BCL11A: variants seen among roughly 807,000 people sequenced by gnomAD.
The protein encoded by BCL11A is B cell CLL/lymphoma 11A.
A neutral mutation model predicts 55.9 loss-of-function variants in BCL11A; 2 were observed. The observed-to-expected ratio is 0.04, with a 90% CI of 0.01 to 0.11. The LOEUF is 0.11. Ranked by LOEUF, BCL11A falls within the 10% of genes least tolerant of loss-of-function variation. BCL11A has a pLI of 1.00. For synonymous variants in BCL11A, 465 were observed against 473.4 expected (o/e 0.98, Z 0.23); for missense variants, 817 against 1,137.1 (o/e 0.72, Z 4.05).
chr2:60,503,479 C>T (rs1679408088), intron 2 of BCL11A, among the ~76,000 whole-genome samples: 1 of 152,242 alleles, frequency 6.6e-6, no homozygotes, highest in Non-Finnish European at 1.5e-5. Flanking sequence ...CTCTCCTCCA[C>T]CTATTCACAG....
intron 1 of BCL11A, among the ~76,000 whole-genome samples, chr2:60,551,433 G>T (rs879440930): frequency 7.9e-5 from 12 of 152,304 alleles, no homozygotes; most frequent in Admixed American, 2.6e-4. Flanking sequence ...CGGCAACCCC[G>T]CCACCTGGCC....
Position 60,459,747 on chromosome 2 carries a change from C to A in BCL11A, c.*657G>T, listed in dbSNP as rs1381829377. On this transcript the variant is annotated 3_prime_UTR_variant, in exon 4 of 4. Transcript: ENST00000642384. ...TTTCTGTTAATTTGTCAATTCAAGG[C>A]CTTTTTTCTTCCTTTCCAATTGATA... 3 of 1,039,526 alleles carry A rather than the reference C, an allele frequency of 2.9e-6. No individual in the cohort carries two copies. Among genetic ancestry groups the A allele is most frequent in the Non-Finnish European group, 3.5e-6 (3 of 862,868 alleles). 64.4% of individuals were successfully genotyped at this position (1,039,526 alleles called of 1,614,324 possible). A position where few individuals can be genotyped will look rare whatever the true frequency, so the allele number is the denominator to read the frequency against.
At chr2:60,491,810 A>C (rs996524468) in intron 2 of BCL11A, among the ~76,000 whole-genome samples, 11 of 152,186 alleles carry the variant, frequency 7.2e-5, no homozygotes, top group African/African-American at 2.7e-4. Flanking sequence ...GTAGGACCCA[A>C]CACTACGCAG....
At chr2:60,495,249 C>T (rs977635983) in intron 2 of BCL11A, among the ~76,000 whole-genome samples, 2 of 148,358 alleles carry the variant, frequency 1.3e-5, no homozygotes, top group African/African-American at 4.9e-5. Flanking sequence ...AGAGGCCAAA[C>T]CCTTCCTGGA....
intron 2 of BCL11A, among the ~76,000 whole-genome samples, chr2:60,508,312 G>A (rs749621899): frequency 6.6e-6 from 1 of 152,194 alleles, no homozygotes; most frequent in Non-Finnish European, 1.5e-5. Flanking sequence ...ATGTGAAAGA[G>A]GAGACAGAGA....
At chr2:60,489,863 T>A (rs1041019185) in intron 2 of BCL11A, among the ~76,000 whole-genome samples, 1 of 152,206 alleles carries the variant, frequency 6.6e-6, no homozygotes, top group Non-Finnish European at 1.5e-5. Flanking sequence ...CACAGGGATA[T>A]GAATTTTGAT....
intron 2 of BCL11A, among the ~76,000 whole-genome samples, chr2:60,529,615 G>A (rs1441632507): frequency 2.6e-5 from 4 of 152,240 alleles, no homozygotes; most frequent in African/African-American, 4.8e-5. Context: ...GTTGGCGGGC[G>A]GGAGCGGGGG....
At chr2:60,464,307 G>C (rs1025786971) in intron 3 of BCL11A, among the ~76,000 whole-genome samples, 1 of 152,120 alleles carries the variant, frequency 6.6e-6, no homozygotes. Flanking sequence ...GCCTATTTTT[G>C]TTTGCCTCCT....
chr2:60,537,976 G>C (rs1669746048), intron 2 of BCL11A: 1 of 152,176 alleles, frequency 6.6e-6, no homozygotes, highest in Non-Finnish European at 1.5e-5. Context: ...ACAACAGTGA[G>C]AATACAAACA....
intron 2 of BCL11A, among the ~76,000 whole-genome samples, chr2:60,497,746 A>G (rs1342074061): frequency 1.3e-5 from 2 of 152,058 alleles, no homozygotes; most frequent in Non-Finnish European, 2.9e-5. Context: ...CTTTCTCTGA[A>G]CTATCACCTT....
At chr2:60,530,657 G>A (rs1317975117) in intron 2 of BCL11A, among the ~76,000 whole-genome samples, 2 of 144,894 alleles carry the variant, frequency 1.4e-5, no homozygotes, top group African/African-American at 2.5e-5. Context: ...AGCATTTGAT[G>A]TACAGTCAGC....
At chr2:60,536,742 A>C (rs1164483589) in intron 2 of BCL11A, 1 of 152,182 alleles carries the variant, frequency 6.6e-6, no homozygotes, top group African/African-American at 2.4e-5. Context: ...TGCATATAGG[A>C]AGCCTTGAGA....
intron 3 of BCL11A, 87 bp from the exon 4 acceptor site, chr2:60,462,511 C>T (rs568560664): frequency 2.0e-6 from 3 of 1,514,738 alleles, no homozygotes; most frequent in South Asian, 2.6e-5. Context: ...CTCCAGCCTT[C>T]CCTGCCCCCA....
chr2:60,487,025 C>A (rs911353946), intron 2 of BCL11A, among the ~76,000 whole-genome samples: 7 of 152,244 alleles, frequency 4.6e-5, no homozygotes, highest in African/African-American at 1.7e-4. Flanking sequence ...TCCTTTAAGT[C>A]TAACGTTGCT....
intron 2 of BCL11A, among the ~76,000 whole-genome samples, chr2:60,530,543 C>A (rs1669403257): frequency 6.6e-6 from 1 of 151,534 alleles, no homozygotes; most frequent in Admixed American, 6.6e-5. Flanking sequence ...GCATATGTAG[C>A]CAAAAGACTG....
chr2:60,537,182 T>A (rs369761993), intron 2 of BCL11A: 16 of 28,546 alleles, frequency 5.6e-4, no homozygotes, highest in African/African-American at 1.2e-3. Flanking sequence ...CTCCTTAACA[T>A]AACAAAAACA....
chr2:60,457,642 T>C lies in BCL11A; in HGVS notation c.*2762A>G. On this transcript the variant is annotated 3_prime_UTR_variant, in exon 4 of 4. Coordinates refer to ENST00000642384, the MANE Select transcript of BCL11A (RefSeq NM_022893.4). Reference sequence around the variant, plus strand: ...TAAATATAAAGCACCATTTAGTTTTTGGCAATGAAAAAAACTGCAAAACAT... The same window carrying C: ...TAAATATAAAGCACCATTTAGTTTTCGGCAATGAAAAAAACTGCAAAACAT... 1 of 1,041,664 alleles carries C rather than the reference T, an allele frequency of 9.6e-7. No homozygotes were observed. Among genetic ancestry groups the C allele is most frequent in the South Asian group, 4.6e-5 (1 of 21,772 alleles). The allele number at this position is 1,041,664 out of a possible 1,614,324, so 64.5% of individuals were successfully genotyped here.
In BCL11A at chr2:60,553,434, G is replaced by A; in HGVS notation, c.-164C>T. The A allele has an allele frequency of 2.6e-6, 1 of 390,208 alleles. No homozygotes were observed. The highest frequency in any genetic ancestry group is 4.4e-6 in the Non-Finnish European group (1 of 224,910). 24.2% of individuals were successfully genotyped at this position (390,208 alleles called of 1,614,324 possible). On this transcript the variant is annotated 5_prime_UTR_variant, in exon 1 of 4. Coordinates refer to ENST00000642384, the MANE Select transcript of BCL11A (RefSeq NM_022893.4). Reference sequence around the variant, plus strand: ...ATAAATTAGAAATAATACAAAGATGGCGCAGGGAAGATGAATTGTGGGAGA... The same window carrying A: ...ATAAATTAGAAATAATACAAAGATGACGCAGGGAAGATGAATTGTGGGAGA...
rs777395819 is a variant in BCL11A at position 60,461,477 on chromosome 2, T to G, written c.1435A>C (p.Ile479Leu). The part of the protein sequence containing the change: ...KFKSENDPNL[I>L]PENGDEEEEE... ...TCCTCCTCGTCCCCGTTCTCCGGGA[T>G]CAGGTTGGGGTCGTTCTCGCTCTTG... Residue 479 changes from isoleucine to leucine, a missense_variant, in exon 4 of 4, where the codon ATC becomes CTC. By Grantham distance (5) the Ile-to-Leu change is conservative. Coordinates refer to ENST00000642384, the MANE Select transcript of BCL11A (RefSeq NM_022893.4). 1.9e-6 allele frequency: 3 copies of G among 1,604,760 alleles called. No homozygotes were observed. The highest frequency in any genetic ancestry group is 3.3e-5 in the Admixed American group (2 of 59,982).
Sources: gnomAD v4.1 joint callset for allele counts (sites outside exome capture counted in the v4.1 genomes callset) on GRCh38, gnomAD v4.1.1 for gene constraint, MANE v1.5 for transcripts, NCBI Gene and HGNC (gene_info 2026-07-23, HGNC 2026-07-21) for gene names.